The following ZFPM2 variants were observed in gnomAD, a reference collection of about 807,000 sequenced individuals.
ZFPM2 encodes zinc finger protein, FOG family member 2, also known as zinc finger protein ZFPM2.
Under a neutral mutation model 98.6 loss-of-function variants are expected in ZFPM2, and 20 were observed. That is an observed-to-expected ratio of 0.20 (90% CI 0.14 to 0.29). The LOEUF is 0.29. Among genes scored for constraint, ZFPM2 ranks in the 10% least tolerant of loss-of-function variants. ZFPM2 has a pLI of 1.00. For synonymous variants in ZFPM2, 518 were observed against 502.7 expected, an observed-to-expected ratio of 1.03 and a Z score of -0.41; for missense variants, 1,310 against 1,388.6, an observed-to-expected ratio of 0.94 and a Z score of 0.90.
chr8:105,508,594 A>G (rs1156300627), intron 3 of ZFPM2, among the ~76,000 whole-genome samples: 1 of 152,104 alleles, frequency 6.6e-6, no homozygotes, highest in East Asian at 1.9e-4. Flanking sequence ...AGGTAATCCT[A>G]TACACAGGCT....
At chr8:105,368,855 T>C (rs916948960) in intron 1 of ZFPM2, among the ~76,000 whole-genome samples, 3 of 152,186 alleles carry the variant, frequency 2.0e-5, no homozygotes, top group South Asian at 2.1e-4. Flanking sequence ...CTCAGCATTA[T>C]CTAGAGCTTG....
chr8:105,418,263 C>T (rs1179289762), intron 1 of ZFPM2, among the ~76,000 whole-genome samples: 2 of 151,998 alleles, frequency 1.3e-5, no homozygotes, highest in Admixed American at 6.6e-5. Flanking sequence ...GATAAAATGC[C>T]ACATCACTTC....
chr8:105,645,887 A>G (rs2130858632), intron 5 of ZFPM2, among the ~76,000 whole-genome samples: 1 of 152,106 alleles, frequency 6.6e-6, no homozygotes, highest in South Asian at 2.1e-4. Flanking sequence ...CCCTATCTCT[A>G]GTAAAAATAA....
chr8:105,737,864 C>A (rs1041604341), intron 5 of ZFPM2: 3 of 151,890 alleles, frequency 2.0e-5, no homozygotes, highest in Non-Finnish European at 4.4e-5. Context: ...CATAACTTTT[C>A]AATGTTAATT....
At chr8:105,420,223 T>G in intron 2 of ZFPM2, among the ~76,000 whole-genome samples, 1 of 152,134 alleles carries the variant, frequency 6.6e-6, no homozygotes, top group Non-Finnish European at 1.5e-5. Flanking sequence ...AAGTGGACTT[T>G]TGTGTGTGTG....
chr8:105,803,678 T>A lies in ZFPM2; in HGVS notation c.*140T>A. On this transcript the variant is annotated 3_prime_UTR_variant, in exon 8 of 8. Coordinates refer to ENST00000407775, the MANE Select transcript of ZFPM2 (RefSeq NM_012082.4). ...ATGGCTGAGTTGAAGACTTAAGGTG[T>A]AATTTCATTACAGTCCATTAGTAAA... 1.2e-6 allele frequency: 1 copy of A among 805,820 alleles called. No homozygotes were observed. Among genetic ancestry groups the A allele is most frequent in the Non-Finnish European group, 1.9e-6 (1 of 513,522 alleles). The allele number at this position is 805,820 out of a possible 1,614,324, so 49.9% of individuals were successfully genotyped here. A position where few individuals can be genotyped will look rare whatever the true frequency, so the allele number is the denominator to read the frequency against.
At chr8:105,521,697 C>G (rs937769110) in intron 3 of ZFPM2, among the ~76,000 whole-genome samples, 2 of 152,090 alleles carry the variant, frequency 1.3e-5, no homozygotes, top group African/African-American at 4.8e-5. Flanking sequence ...CCTGCCTCAG[C>G]CTCCCGACTA....
At chr8:105,418,897 C>T (rs752499122) in intron 1 of ZFPM2, 15 of 572,018 alleles carry the variant, frequency 2.6e-5, no homozygotes, top group Admixed American at 8.4e-5. Flanking sequence ...GGGGTGGGGA[C>T]GCAATGGAGA....
intron 3 of ZFPM2, among the ~76,000 whole-genome samples, chr8:105,500,879 A>T (rs1813579308): frequency 6.6e-6 from 1 of 152,206 alleles, no homozygotes; most frequent in Admixed American, 6.5e-5. Flanking sequence ...CTAGTACCTT[A>T]AAAAGACCAT....
At chr8:105,427,636 G>A (rs1222323303) in intron 2 of ZFPM2, among the ~76,000 whole-genome samples, 1 of 152,140 alleles carries the variant, frequency 6.6e-6, no homozygotes, top group Admixed American at 6.5e-5. Context: ...TTTATCTCTG[G>A]TAGGCCTAAA....
chr8:105,481,278 A>G (rs566700466), intron 3 of ZFPM2, among the ~76,000 whole-genome samples: 8 of 151,422 alleles, frequency 5.3e-5, no homozygotes, highest in Admixed American at 1.3e-4. Context: ...TTCTATAACA[A>G]AATTCCTTGG....
At chr8:105,435,615 A>C (rs561084655) in intron 2 of ZFPM2, among the ~76,000 whole-genome samples, 1 of 152,146 alleles carries the variant, frequency 6.6e-6, no homozygotes, top group East Asian at 1.9e-4. Flanking sequence ...CAATTTTCCT[A>C]AGCTACTCTA....
At chr8:105,496,078 T>C (rs1813461298) in intron 3 of ZFPM2, among the ~76,000 whole-genome samples, 1 of 152,214 alleles carries the variant, frequency 6.6e-6, no homozygotes, top group South Asian at 2.1e-4. Context: ...GATTTCTGAA[T>C]TTTTTCTCCT....
intron 3 of ZFPM2, among the ~76,000 whole-genome samples, chr8:105,511,577 C>G (rs1247349138): frequency 6.6e-6 from 1 of 152,174 alleles, no homozygotes; most frequent in African/African-American, 2.4e-5. Flanking sequence ...AATTTAGACA[C>G]TTTCTGAACT....
At chr8:105,354,820 GGCAC>G (rs952564816) in intron 1 of ZFPM2, among the ~76,000 whole-genome samples, 5 of 152,114 alleles carry the variant, frequency 3.3e-5, no homozygotes, top group Non-Finnish European at 7.3e-5. Context: ...TGGGCATGGT[GGCAC>G]GCACCTGTGG....
intron 5 of ZFPM2, among the ~76,000 whole-genome samples, chr8:105,718,649 A>T (rs2130991065): frequency 6.6e-6 from 1 of 151,118 alleles, no homozygotes; most frequent in Admixed American, 6.6e-5. Context: ...CACAATACGC[A>T]TTTTTTTTTC....
intron 2 of ZFPM2, among the ~76,000 whole-genome samples, chr8:105,421,231 G>T (rs951427913): frequency 1.3e-5 from 2 of 151,882 alleles, no homozygotes; most frequent in Non-Finnish European, 2.9e-5. Context: ...AGATTCAGTA[G>T]ATATTATTAT....
chr8:105,714,477 G>A (rs1443441712), intron 5 of ZFPM2, among the ~76,000 whole-genome samples: 1 of 151,734 alleles, frequency 6.6e-6, no homozygotes, highest in Non-Finnish European at 1.5e-5. Context: ...TGATTGCTGG[G>A]CCAGTTTTTA....
rs1183631982 is a variant in ZFPM2 at position 105,387,092 on chromosome 8, T to C, written c.41-32052T>C. 2.6e-5 allele frequency: 4 copies of C among 152,584 alleles called. No individual in the cohort carries two copies. The East Asian group carries it at 7.7e-4, about 30-fold the overall frequency. 9.5% of individuals were successfully genotyped at this position (152,584 alleles called of 1,614,324 possible). A position where few individuals can be genotyped will look rare whatever the true frequency, so the allele number is the denominator to read the frequency against. The stretch of plus-strand genomic sequence containing the variant: ...TCTCCGAGTACCCCGCCAGAGTAGC[T>C]AGATAGAGAGTGTGGATTGGTGCAT... On this transcript the variant is annotated intron_variant, in intron 1 of 7. Coordinates refer to ENST00000407775, the MANE Select transcript of ZFPM2 (RefSeq NM_012082.4).
Sources: allele counts gnomAD v4.1 joint callset (sites outside exome capture counted in the v4.1 genomes callset), GRCh38; gene constraint gnomAD v4.1.1; transcripts MANE v1.5; gene names NCBI Gene and HGNC (gene_info 2026-07-23, HGNC 2026-07-21).